Variants in GIGYF2 observed in about 807,000 individuals in gnomAD.
GIGYF2 encodes the protein GRB10 interacting GYF protein 2, also known as GRB10-interacting GYF protein 2.
GIGYF2 carries 25 observed loss-of-function variants against 208.1 expected under a neutral mutation model. The observed-to-expected ratio is 0.12, with a 90% CI of 0.09 to 0.17. The LOEUF (loss-of-function observed/expected upper bound fraction) is 0.17. Among genes scored for constraint, GIGYF2 ranks in the 10% least tolerant of loss-of-function variants. The probability of loss-of-function intolerance (pLI) is 1.00; values close to 1 mark genes in which losing one functional copy is unlikely to be tolerated. For missense variants in GIGYF2, 1,302 were observed against 1,579.4 expected, an observed-to-expected ratio of 0.82 and a Z score of 2.98; for synonymous variants, 534 against 543.8, an observed-to-expected ratio of 0.98 and a Z score of 0.25.
At chr2:232,749,117 A>G in intron 5 of GIGYF2, 35 bp downstream of exon 5, 1 of 1,008,058 alleles carries the variant, frequency 9.9e-7, no homozygotes, top group South Asian at 1.3e-5. Context: ...GCAAACTCTT[A>G]TTCTTTTCCT....
At position 232,844,240 on chromosome 2, in the gene GIGYF2, A is replaced by G; in HGVS notation, c.3084A>G (p.Arg1028=). The change falls in exon 24 of 29, where the codon AGA becomes AGG. Residue 1028 remains arginine (R), a synonymous_variant. Transcript: ENST00000373563. ...AGCAGCAACACCAGCAACCAAACAGAGCTCGTAACAATACGGTGTGTGCAT... is the reference window on the plus strand; with the variant it reads ...AGCAGCAACACCAGCAACCAAACAGGGCTCGTAACAATACGGTGTGTGCAT... The part of the protein sequence containing the change: ...QQQQQHQQPN[R]ARNNTHSNLH... The G allele has an allele frequency of 6.4e-7, 1 of 1,573,376 alleles. No homozygotes were observed.
chr2:232,816,763 A>G (rs1700925739), intron 19 of GIGYF2, 108 bp from the exon 20 acceptor site: 5 of 815,182 alleles, frequency 6.1e-6, no homozygotes, highest in Admixed American at 1.9e-5. Context: ...GTTGCAGTGC[A>G]GTACGGTACA....
chr2:232,766,167 T>G (rs532360794), intron 8 of GIGYF2, among the ~76,000 whole-genome samples: 2 of 152,330 alleles, frequency 1.3e-5, no homozygotes, highest in Admixed American at 6.5e-5. Context: ...CCCAGAAACT[T>G]TCTATCTCCT....
chr2:232,701,986 C>A (rs1442057452), intron 1 of GIGYF2, among the ~76,000 whole-genome samples: 1 of 151,742 alleles, frequency 6.6e-6, no homozygotes, highest in East Asian at 1.9e-4. Context: ...CAGAGAGAGA[C>A]CCCCATCTCT....
chr2:232,734,424 G>A (rs770284697), intron 2 of GIGYF2: 2 of 151,980 alleles, frequency 1.3e-5, no homozygotes, highest in African/African-American at 2.4e-5. Context: ...TAGAGACCAC[G>A]TCTCCACCTC....
intron 2 of GIGYF2, among the ~76,000 whole-genome samples, chr2:232,714,700 C>T (rs1350705067): frequency 6.6e-6 from 1 of 152,182 alleles, no homozygotes; most frequent in African/African-American, 2.4e-5. Context: ...TTTTCCTCCT[C>T]CACCACTGTT....
chr2:232,802,616 T>C (rs1700431034), intron 14 of GIGYF2, among the ~76,000 whole-genome samples: 1 of 152,202 alleles, frequency 6.6e-6, no homozygotes, highest in African/African-American at 2.4e-5. Context: ...GTGTATAATC[T>C]TTTTAATATA....
intron 14 of GIGYF2, among the ~76,000 whole-genome samples, chr2:232,796,640 C>A (rs1381743567): frequency 6.6e-6 from 1 of 152,190 alleles, no homozygotes; most frequent in Non-Finnish European, 1.5e-5. Flanking sequence ...GGGCGAATCA[C>A]CTGAGGTCAG....
intron 8 of GIGYF2, among the ~76,000 whole-genome samples, chr2:232,762,062 G>T (rs536381693): frequency 7.2e-4 from 109 of 151,118 alleles, no homozygotes; most frequent in Middle Eastern, 3.4e-3. Flanking sequence ...CTGATTAAAG[G>T]TACTACCTTA....
chr2:232,853,065 C>T (rs1379298750), intron 28 of GIGYF2, among the ~76,000 whole-genome samples: 3 of 152,192 alleles, frequency 2.0e-5, no homozygotes, highest in Admixed American at 1.3e-4. Flanking sequence ...CTCACCTAAA[C>T]CTCACTCTGG....
chr2:232,849,312 G>A lies in GIGYF2; in HGVS notation c.3685-950G>A, dbSNP rs367799762. On this transcript the variant is annotated intron_variant, in intron 27 of 28. Coordinates refer to ENST00000373563, the MANE Select transcript of GIGYF2 (RefSeq NM_001103146.3). ...CCCGAGTAGCTGGGACTACAGGCACGCACCACCATGCCTGGCTAATTTTTC... is the reference window on the plus strand; with the variant it reads ...CCCGAGTAGCTGGGACTACAGGCACACACCACCATGCCTGGCTAATTTTTC... 2.0e-4 allele frequency among the ~76,000 whole-genome samples: 30 copies of A among 152,036 alleles called. 1 individual carries two copies. Among genetic ancestry groups the A allele is most frequent in the African/African-American group, 6.8e-4 (28 of 41,468 alleles).
rs940541116 is a variant in GIGYF2, at chr2:232,860,054, G to C, written c.*3194G>C. ...AGTGACAAGGTCACATTGGAGAAGAGCTTGTGGGGTGGGAGATATTATAGC... is the reference window on the plus strand; with the variant it reads ...AGTGACAAGGTCACATTGGAGAAGACCTTGTGGGGTGGGAGATATTATAGC... On this transcript the variant is annotated 3_prime_UTR_variant, in exon 29 of 29. Coordinates refer to ENST00000373563, the MANE Select transcript of GIGYF2 (RefSeq NM_001103146.3). 3.3e-5 allele frequency: 5 copies of C among 152,336 alleles called. No individual in the cohort carries two copies. The East Asian group carries it at 9.6e-4, about 29-fold the overall frequency. The allele number at this position is 152,336 out of a possible 1,614,324, so 9.4% of individuals were successfully genotyped here.
At chr2:232,701,318 C>T (rs549272137) in intron 1 of GIGYF2, among the ~76,000 whole-genome samples, 15 of 151,768 alleles carry the variant, frequency 9.9e-5, no homozygotes, top group African/African-American at 2.9e-4. Flanking sequence ...TACAGTGCAG[C>T]GGCCTGATCT....
intron 21 of GIGYF2, among the ~76,000 whole-genome samples, chr2:232,822,605 C>G (rs1256922513): frequency 2.0e-5 from 3 of 151,808 alleles, no homozygotes; most frequent in Non-Finnish European, 4.4e-5. Flanking sequence ...TGCTTGAACG[C>G]GGGAGGCGGA....
intron 8 of GIGYF2, among the ~76,000 whole-genome samples, chr2:232,786,638 T>C (rs900118921): frequency 7.9e-5 from 12 of 152,246 alleles, no homozygotes; most frequent in African/African-American, 2.9e-4. Context: ...ATAAAGTATG[T>C]TGTATGATGA....
At chr2:232,817,130 G>A in intron 20 of GIGYF2, 98 bp downstream of exon 20, 1 of 957,340 alleles carries the variant, frequency 1.0e-6, no homozygotes, top group Non-Finnish European at 1.7e-6. Flanking sequence ...AAGTCCACAG[G>A]ATTGGGGTTA....
In GIGYF2 at chr2:232,794,886, G is replaced by A; in HGVS notation, c.1421G>A (p.Gly474Asp). ...PVETPVVGAP[G>D]MGSVSTEPDD... The stretch of plus-strand genomic sequence containing the variant: ...GAAACACCAGTTGTAGGTGCTCCTG[G>A]TATGGGCAGTGTTTCCACAGAACCT... The change falls in exon 13 of 29, where the codon GGT (glycine) becomes GAT (aspartate). Residue 474 changes from glycine to aspartate, a missense_variant. By Grantham distance (94) the Gly-to-Asp change is moderately conservative (BLOSUM62 -1). Transcript: ENST00000373563. 6.2e-7 allele frequency: 1 copy of A among 1,613,946 alleles called. No homozygotes were observed. Among genetic ancestry groups the A allele is most frequent in the Non-Finnish European group, 8.5e-7 (1 of 1,179,880 alleles).
At chr2:232,735,868 A>G in intron 3 of GIGYF2, 1 of 984,620 alleles carries the variant, frequency 1.0e-6, no homozygotes, top group Non-Finnish European at 1.2e-6. Context: ...AAAGTTGGTG[A>G]TTGAAGATCC....
chr2:232,785,535 T>C (rs1699883068), intron 8 of GIGYF2, among the ~76,000 whole-genome samples: 1 of 152,188 alleles, frequency 6.6e-6, no homozygotes, highest in Non-Finnish European at 1.5e-5. Context: ...GAAACTACAG[T>C]CTTCTTTAAT....
Sources: gnomAD v4.1 joint callset for allele counts (sites outside exome capture counted in the v4.1 genomes callset) on GRCh38, gnomAD v4.1.1 for gene constraint, MANE v1.5 for transcripts, NCBI Gene and HGNC (gene_info 2026-07-23, HGNC 2026-07-21) for gene names.